The following JAKMIP2 variants were observed in gnomAD, a reference collection of about 807,000 sequenced individuals.
JAKMIP2 encodes the protein janus kinase and microtubule interacting protein 2.
A neutral mutation model predicts 115.0 loss-of-function variants in JAKMIP2; 25 were observed. The ratio of observed to expected loss-of-function variants is 0.22; its 90% CI spans 0.16 to 0.30. JAKMIP2 has a LOEUF of 0.30. JAKMIP2 is among the 10% of genes least tolerant of loss of function. The probability of loss-of-function intolerance (pLI) is 1.00; values close to 1 mark genes in which losing one functional copy is unlikely to be tolerated. For missense variants in JAKMIP2, 642 were observed against 957.6 expected (o/e 0.67, Z 4.35); for synonymous variants, 334 against 343.6 (o/e 0.97, Z 0.31).
chr5:147,662,602 C>T (rs990308395), intron 2 of JAKMIP2, among the ~76,000 whole-genome samples: 3 of 152,014 alleles, frequency 2.0e-5, no homozygotes, highest in Non-Finnish European at 2.9e-5. Flanking sequence ...TTCATCTCTG[C>T]TGCTTGGCTC....
chr5:147,716,790 T>A (rs1197966210), intron 1 of JAKMIP2, among the ~76,000 whole-genome samples: 7 of 148,602 alleles, frequency 4.7e-5, no homozygotes, highest in Non-Finnish European at 1.0e-4. Context: ...TCCCATTTTG[T>A]AGGTTGCCTG....
chr5:147,613,993 C>T (rs1246365997), intron 19 of JAKMIP2, among the ~76,000 whole-genome samples: 1 of 152,166 alleles, frequency 6.6e-6, no homozygotes, highest in Admixed American at 6.5e-5. Context: ...CATAGCTACA[C>T]AGTAAAAGAA....
chr5:147,738,371 T>C (rs1754005037), intron 1 of JAKMIP2, among the ~76,000 whole-genome samples: 2 of 152,206 alleles, frequency 1.3e-5, no homozygotes, highest in Non-Finnish European at 2.9e-5. Flanking sequence ...CCAGTTTTGC[T>C]TGTGGCGTGG....
Position 147,717,724 on chromosome 5 carries a change from G to T in JAKMIP2, c.-148-45770C>A, listed in dbSNP as rs1478672042. 3.2e-4 allele frequency among the ~76,000 whole-genome samples: 48 copies of T among 150,002 alleles called. No individual in the cohort carries two copies. In the East Asian group the frequency reaches 5.6e-3, roughly 18 times the overall value. On this transcript the variant is annotated intron_variant, in intron 1 of 21. Coordinates refer to ENST00000616793, the MANE Select transcript of JAKMIP2 (RefSeq NM_001270941.2). ...ATCCTGAGACTTTGCTGAAGTTGCT[G>T]ATCAGCTTAAGGAGATTTTGGGCTG...
intron 20 of JAKMIP2, among the ~76,000 whole-genome samples, chr5:147,606,792 T>C (rs9859551): frequency 1.3e-5 from 2 of 152,226 alleles, no homozygotes; most frequent in Non-Finnish European, 1.5e-5. Context: ...ATTTTCATGA[T>C]ACTGATTCTT....
intron 3 of JAKMIP2, among the ~76,000 whole-genome samples, chr5:147,658,909 T>C (rs1348037188): frequency 6.6e-6 from 1 of 152,110 alleles, no homozygotes; most frequent in Non-Finnish European, 1.5e-5. Context: ...AGGCTGACTC[T>C]AGACTGCTGT....
intron 1 of JAKMIP2, among the ~76,000 whole-genome samples, chr5:147,699,617 A>T (rs547683394): frequency 4.5e-5 from 6 of 132,452 alleles, no homozygotes; most frequent in Admixed American, 2.2e-4. Flanking sequence ...TCTTACTCAT[A>T]AAAAAAACCC....
chr5:147,780,245 G>T (rs917644659), intron 1 of JAKMIP2, among the ~76,000 whole-genome samples: 1 of 152,064 alleles, frequency 6.6e-6, no homozygotes, highest in Non-Finnish European at 1.5e-5. Flanking sequence ...TTCTATCAGG[G>T]TAATAGCTGA....
chr5:147,739,492 C>T (rs1580860296), intron 1 of JAKMIP2, among the ~76,000 whole-genome samples: 1 of 152,020 alleles, frequency 6.6e-6, no homozygotes. Flanking sequence ...GAGGGGCTGG[C>T]CAAACAGTGA....
chr5:147,677,043 G>A lies in JAKMIP2; in HGVS notation c.-148-5089C>T, dbSNP rs116776216. On this transcript the variant is annotated intron_variant, in intron 1 of 21. Coordinates refer to ENST00000616793, the MANE Select transcript of JAKMIP2 (RefSeq NM_001270941.2). ...ACATTTGATTAAAAGTATGGGCTACGGAGTTAGACAAACCTGTTTAAATTC... is the reference window on the plus strand; with the variant it reads ...ACATTTGATTAAAAGTATGGGCTACAGAGTTAGACAAACCTGTTTAAATTC... Among the ~76,000 whole-genome samples the A allele has an allele frequency of 6.4e-3, 972 of 152,294 alleles. 13 individuals are homozygous for A. Among genetic ancestry groups the A allele is most frequent in the African/African-American group, 0.022 (917 of 41,562 alleles).
chr5:147,630,352 G>A (rs531436142), intron 14 of JAKMIP2, among the ~76,000 whole-genome samples: 32 of 152,204 alleles, frequency 2.1e-4, no homozygotes, highest in Middle Eastern at 3.4e-3. Flanking sequence ...GGATTAGGTT[G>A]TTTGTGATTT....
intron 21 of JAKMIP2, among the ~76,000 whole-genome samples, chr5:147,598,161 T>C (rs1269609458): frequency 6.6e-6 from 1 of 151,986 alleles, no homozygotes; most frequent in Non-Finnish European, 1.5e-5. Flanking sequence ...CCACCACGCC[T>C]GGCTAATTTT....
At chr5:147,705,179 C>A (rs944692066) in intron 1 of JAKMIP2, among the ~76,000 whole-genome samples, 3 of 152,122 alleles carry the variant, frequency 2.0e-5, no homozygotes, top group African/African-American at 7.2e-5. Flanking sequence ...TTGTGTTGAT[C>A]AAGCTGAGTT....
intron 1 of JAKMIP2, among the ~76,000 whole-genome samples, chr5:147,720,745 T>C (rs1753238907): frequency 1.3e-5 from 2 of 149,294 alleles, no homozygotes; most frequent in South Asian, 4.3e-4. Context: ...TAGTTATACA[T>C]TCTTCTAAAT....
intron 1 of JAKMIP2, among the ~76,000 whole-genome samples, chr5:147,678,293 C>A (rs971705043): frequency 6.6e-6 from 1 of 152,190 alleles, no homozygotes; most frequent in Non-Finnish European, 1.5e-5. Context: ...TGAGCCACCA[C>A]GCCTGGCTAC....
At chr5:147,778,321 T>C (rs1271884817) in intron 1 of JAKMIP2, among the ~76,000 whole-genome samples, 2 of 152,102 alleles carry the variant, frequency 1.3e-5, no homozygotes, top group Non-Finnish European at 2.9e-5. Context: ...TTTTTTGTTT[T>C]TTTGCCTGAT....
intron 1 of JAKMIP2, among the ~76,000 whole-genome samples, chr5:147,776,956 T>TTAAAAAA (rs1332475725): frequency 1.3e-5 from 2 of 151,898 alleles, no homozygotes; most frequent in Non-Finnish European, 2.9e-5. Context: ...AAATTAAAAA[T>TTAAAAAA]TAAAAAATAA....
At chr5:147,644,622 G>T (rs1176357693) in intron 6 of JAKMIP2, among the ~76,000 whole-genome samples, 2 of 152,162 alleles carry the variant, frequency 1.3e-5, no homozygotes, top group Non-Finnish European at 2.9e-5. Flanking sequence ...GCTTTGGAAA[G>T]TGTGCAAATT....
chr5:147,679,348 C>CGCT (rs1262597235), intron 1 of JAKMIP2, among the ~76,000 whole-genome samples: 1 of 152,102 alleles, frequency 6.6e-6, no homozygotes, highest in Non-Finnish European at 1.5e-5. Flanking sequence ...GAAATGTAGC[C>CGCT]ACGTGGTCAA....
Sources: allele counts gnomAD v4.1 joint callset (sites outside exome capture counted in the v4.1 genomes callset), GRCh38; gene constraint gnomAD v4.1.1; transcripts MANE v1.5; gene names NCBI Gene and HGNC (gene_info 2026-07-23, HGNC 2026-07-21).